The following EYA1 variants were observed in gnomAD, a reference collection of about 807,000 sequenced individuals.
EYA1 encodes EYA transcriptional coactivator and phosphatase 1, also known as protein phosphatase EYA1.
A neutral mutation model predicts 82.0 loss-of-function variants in EYA1; 16 were observed. The observed-to-expected ratio is 0.20, with a 90% CI of 0.13 to 0.30. The LOEUF (loss-of-function observed/expected upper bound fraction) is 0.30. Ranked by LOEUF, EYA1 falls within the 10% of genes least tolerant of loss-of-function variation. EYA1 has a pLI of 1.00. For synonymous variants in EYA1, 261 were observed against 264.4 expected, an observed-to-expected ratio of 0.99 and a Z score of 0.12; for missense variants, 633 against 730.7, an observed-to-expected ratio of 0.87 and a Z score of 1.54.
At chr8:71,200,382 T>C (rs893793368) in intron 17 of EYA1, among the ~76,000 whole-genome samples, 1 of 152,202 alleles carries the variant, frequency 6.6e-6, no homozygotes, top group African/African-American at 2.4e-5. Context: ...TTTAAATGTG[T>C]AGGTGACAGT....
intron 2 of EYA1, among the ~76,000 whole-genome samples, chr8:71,479,455 T>C (rs1484655756): frequency 6.6e-6 from 1 of 152,122 alleles, no homozygotes; most frequent in Non-Finnish European, 1.5e-5. Flanking sequence ...TCCTTACTTA[T>C]ACTTTCTTTT....
intron 2 of EYA1, among the ~76,000 whole-genome samples, chr8:71,435,943 AT>A (rs1247722965): frequency 6.6e-6 from 1 of 152,162 alleles, no homozygotes; most frequent in Non-Finnish European, 1.5e-5. Flanking sequence ...ATTTTAAAGG[AT>A]TTAAATATAC....
chr8:71,513,452 C>A (rs1026543397), intron 2 of EYA1, among the ~76,000 whole-genome samples: 8 of 151,820 alleles, frequency 5.3e-5, no homozygotes, highest in African/African-American at 1.9e-4. Flanking sequence ...TAAAATAATT[C>A]TTTTTTAATT....
At chr8:71,276,694 C>A (rs2128960515) in intron 9 of EYA1, among the ~76,000 whole-genome samples, 1 of 152,284 alleles carries the variant, frequency 6.6e-6, no homozygotes, top group African/African-American at 2.4e-5. Context: ...CACCTATTTT[C>A]TGCACTGCCA....
chr8:71,476,208 G>T (rs1809650208), intron 2 of EYA1, among the ~76,000 whole-genome samples: 1 of 152,006 alleles, frequency 6.6e-6, no homozygotes, highest in African/African-American at 2.4e-5. Flanking sequence ...ATGAGTACCG[G>T]GCTTATATAA....
Position 71,535,749 on chromosome 8 carries a change from G to A in EYA1, c.28C>T (p.Gln10Ter). ...CTGACATTCTGTTTACTTACAGACT[G>A]TCCATTTATCCCCCGGGGGTCTTCC... The change falls in exon 2 of 19, where the codon CAG (glutamine) becomes TAG (stop). Residue 10 changes from glutamine (Q) to a stop codon, truncating the protein, a stop_gained. Coordinates refer to the EYA1 transcript ENST00000643681. LOFTEE classifies it high-confidence loss of function. 1 of 1,520,484 alleles carries A rather than the reference G, an allele frequency of 6.6e-7. No individual in the cohort carries two copies. The highest frequency in any genetic ancestry group is 8.8e-7 in the Non-Finnish European group (1 of 1,138,630). 94.2% of individuals were successfully genotyped at this position (1,520,484 alleles called of 1,614,324 possible).
intron 3 of EYA1, among the ~76,000 whole-genome samples, chr8:71,353,530 G>C (rs920901617): frequency 2.0e-5 from 3 of 152,110 alleles, no homozygotes; most frequent in African/African-American, 4.8e-5. Flanking sequence ...ATAAACACTT[G>C]AAATGAATGT....
chr8:71,483,180 A>T (rs1479230847), intron 2 of EYA1, among the ~76,000 whole-genome samples: 1 of 152,324 alleles, frequency 6.6e-6, no homozygotes, highest in African/African-American at 2.4e-5. Flanking sequence ...CTGCTAAAAC[A>T]TTCCTTGAAT....
intron 2 of EYA1, among the ~76,000 whole-genome samples, chr8:71,367,879 T>G (rs1426255798): frequency 1.3e-5 from 2 of 152,224 alleles, no homozygotes; most frequent in Non-Finnish European, 2.9e-5. Context: ...AGCTTCAGTT[T>G]GTTCAAATAC....
chr8:71,448,472 G>A (rs1038524058), intron 2 of EYA1, among the ~76,000 whole-genome samples: 5 of 150,560 alleles, frequency 3.3e-5, no homozygotes, highest in African/African-American at 1.0e-4. Context: ...TACATTCGCA[G>A]TTACTTCCTC....
Position 71,269,746 on chromosome 8 carries a change from A to G in EYA1, c.1044T>C (p.Tyr348=). The G allele has an allele frequency of 1.9e-6, 3 of 1,613,214 alleles. No individual in the cohort carries two copies. Among genetic ancestry groups the G allele is most frequent in the African/African-American group, 1.3e-5 (1 of 75,038 alleles). ...GATGCCTCTTGGTACTCACCCTCCC[A>G]TATCTGTTGGCGTAGGACCCAGTAA... is the stretch of plus-strand genomic sequence containing the variant. ...SLLTGSYANR[Y]GRDPPTSVSL... Residue 348 remains tyrosine, a synonymous_variant, in exon 11 of 18, where the codon TAT becomes TAC. Transcript: ENST00000340726.
chr8:71,487,494 T>G (rs775642566), intron 2 of EYA1, among the ~76,000 whole-genome samples: 3 of 152,232 alleles, frequency 2.0e-5, no homozygotes, highest in Non-Finnish European at 2.9e-5. Flanking sequence ...CATAACATTA[T>G]GCCCTCCTAT....
chr8:71,214,685 T>A (rs1808954506), intron 16 of EYA1, among the ~76,000 whole-genome samples: 1 of 152,206 alleles, frequency 6.6e-6, no homozygotes, highest in African/African-American at 2.4e-5. Context: ...AATGGAAAGA[T>A]TATAAAGATT....
At chr8:71,404,526 G>A (rs1830110273) in intron 2 of EYA1, 1 of 152,298 alleles carries the variant, frequency 6.6e-6, no homozygotes, top group South Asian at 2.1e-4. Context: ...AGTGTGGGTT[G>A]CAGTTTAAAA....
intron 2 of EYA1, among the ~76,000 whole-genome samples, chr8:71,523,175 T>TTTC (rs1242772618): frequency 5.3e-5 from 6 of 112,838 alleles, no homozygotes; most frequent in African/African-American, 1.9e-4. Flanking sequence ...TCTTTTTTCT[T>TTTC]TTTCTTTTTT....
intron 3 of EYA1, among the ~76,000 whole-genome samples, chr8:71,338,258 G>T (rs1260181266): frequency 6.6e-6 from 1 of 152,182 alleles, no homozygotes; most frequent in Non-Finnish European, 1.5e-5. Context: ...AACTCAAGAA[G>T]GCAGGACCAA....
chr8:71,355,934 C>T (rs1273875014), intron 2 of EYA1, among the ~76,000 whole-genome samples: 1 of 150,816 alleles, frequency 6.6e-6, no homozygotes, highest in Admixed American at 6.7e-5. Context: ...AAGTTTAGGG[C>T]CCATTTACTT....
At position 71,496,051 on chromosome 8, in the gene EYA1, A is replaced by G. The variant is rs150513283; in HGVS notation, c.33+39693T>C. On this transcript the variant is annotated intron_variant, in intron 2 of 18. Transcript: ENST00000643681. ...CCCAAAACAAGTATTAAAAATGTCT[A>G]AGTCAGATTAACTTTTTTAAAAAAC... Among the ~76,000 whole-genome samples, 328 of 152,348 alleles carry G rather than the reference A, an allele frequency of 2.2e-3. 2 individuals carry two copies. Among genetic ancestry groups the G allele is most frequent in the African/African-American group, 7.5e-3 (312 of 41,578 alleles).
intron 9 of EYA1, among the ~76,000 whole-genome samples, chr8:71,291,109 A>G (rs1002525965): frequency 6.6e-5 from 10 of 152,342 alleles, no homozygotes; most frequent in Admixed American, 1.3e-4. Flanking sequence ...GACGCTTGCT[A>G]TTGCAAACCT....
Sources: gnomAD v4.1 joint callset for allele counts (sites outside exome capture counted in the v4.1 genomes callset) on GRCh38, gnomAD v4.1.1 for gene constraint, MANE v1.5 for transcripts, NCBI Gene and HGNC (gene_info 2026-07-23, HGNC 2026-07-21) for gene names.